The following MAGI2 variants were observed in gnomAD, a reference collection of about 807,000 sequenced individuals.
MAGI2 encodes the protein membrane-associated guanylate kinase, WW and PDZ domain-containing protein 2.
A neutral mutation model predicts 133.3 loss-of-function variants in MAGI2; 35 were observed. The ratio of observed to expected loss-of-function variants is 0.26; its 90% CI spans 0.20 to 0.35. The LOEUF (loss-of-function observed/expected upper bound fraction) is 0.35. Among genes scored for constraint, MAGI2 ranks in the 10% least tolerant of loss-of-function variants. The pLI, the probability that MAGI2 is intolerant of heterozygous loss-of-function variation, is 1.00. For synonymous variants in MAGI2, 729 were observed against 710.6 expected (o/e 1.03, Z -0.41); for missense variants, 1,636 against 1,863.4 (o/e 0.88, Z 2.25).
chr7:78,846,794 C>T (rs999297414), intron 2 of MAGI2, among the ~76,000 whole-genome samples: 4 of 151,964 alleles, frequency 2.6e-5, no homozygotes, highest in Admixed American at 1.3e-4. Context: ...ATATTTATAT[C>T]AGTAATAGTG....
intron 6 of MAGI2, among the ~76,000 whole-genome samples, chr7:78,429,679 T>C (rs987633770): frequency 1.3e-5 from 2 of 152,012 alleles, no homozygotes; most frequent in African/African-American, 4.8e-5. Flanking sequence ...AAAAGAAGGC[T>C]TTTTCTTTTT....
chr7:78,885,339 C>G (rs1023875760), intron 2 of MAGI2, among the ~76,000 whole-genome samples: 3 of 152,086 alleles, frequency 2.0e-5, no homozygotes, highest in African/African-American at 7.2e-5. Flanking sequence ...AAAATCAACA[C>G]GTATGCTAAT....
At chr7:79,288,122 T>C (rs895628593) in intron 1 of MAGI2, among the ~76,000 whole-genome samples, 6 of 152,288 alleles carry the variant, frequency 3.9e-5, no homozygotes, top group South Asian at 2.1e-4. Flanking sequence ...TAACTTGCTA[T>C]GCTCACCACT....
At chr7:78,442,281 G>T (rs1278048492) in intron 6 of MAGI2, among the ~76,000 whole-genome samples, 2 of 152,122 alleles carry the variant, frequency 1.3e-5, no homozygotes, top group Non-Finnish European at 2.9e-5. Context: ...CTATCTGATT[G>T]AAAATCATTT....
chr7:78,860,938 C>T (rs1424864584), intron 2 of MAGI2, among the ~76,000 whole-genome samples: 1 of 152,162 alleles, frequency 6.6e-6, no homozygotes, highest in Non-Finnish European at 1.5e-5. Flanking sequence ...CAAGCCTCAG[C>T]AATGGCGGGC....
intron 3 of MAGI2, among the ~76,000 whole-genome samples, chr7:78,592,144 A>T (rs1263557923): frequency 1.3e-5 from 2 of 152,236 alleles, no homozygotes. Flanking sequence ...GAAAGTTGCA[A>T]AGAAATCTTT....
At chr7:79,198,072 C>T (rs746913206) in intron 1 of MAGI2, among the ~76,000 whole-genome samples, 1 of 151,566 alleles carries the variant, frequency 6.6e-6, no homozygotes, top group South Asian at 2.1e-4. Context: ...TATAGTGAGA[C>T]CCCGATTCTA....
chr7:78,905,397 C>T (rs1372878594), intron 2 of MAGI2, among the ~76,000 whole-genome samples: 6 of 152,322 alleles, frequency 3.9e-5, no homozygotes, highest in African/African-American at 9.6e-5. Context: ...TCTGCTTACA[C>T]CACTTACCTA....
chr7:79,453,031 C>G lies in MAGI2; in HGVS notation c.290G>C (p.Cys97Ser). The G allele has an allele frequency of 6.3e-7, 1 of 1,589,836 alleles. No homozygotes were observed. Reference protein sequence around the residue: ...KHCKDPLRLKCVKQGGIVDKD... With the variant: ...KHCKDPLRLKSVKQGGIVDKD... ...GCCGCTGCTCTCACCTTGCTTGACA[C>G]ACTTGAGCCGGAGGGGGTCCTTGCA... is the stretch of plus-strand genomic sequence containing the variant. The change falls in exon 1 of 22, where the codon TGT becomes TCT. Residue 97 changes from cysteine to serine, a missense_variant. Transcript: ENST00000354212.
intron 1 of MAGI2, among the ~76,000 whole-genome samples, chr7:79,090,684 A>G (rs1280896378): frequency 6.6e-6 from 1 of 152,186 alleles, no homozygotes; most frequent in African/African-American, 2.4e-5. Context: ...GTTAGACAGG[A>G]AATTACAGCT....
intron 21 of MAGI2, among the ~76,000 whole-genome samples, chr7:78,050,594 GC>G (rs1231736339): frequency 1.3e-5 from 2 of 152,216 alleles, no homozygotes; most frequent in Admixed American, 6.5e-5. Flanking sequence ...TAGAGAGAAA[GC>G]AGGGGAATTG....
At chr7:78,145,402 T>A (rs1823199103) in intron 16 of MAGI2, among the ~76,000 whole-genome samples, 1 of 152,314 alleles carries the variant, frequency 6.6e-6, no homozygotes, top group Non-Finnish European at 1.5e-5. Context: ...GAGACTTGTT[T>A]CCTTTAGTTT....
chr7:79,035,000 A>G (rs986571838), intron 1 of MAGI2, among the ~76,000 whole-genome samples: 4 of 152,222 alleles, frequency 2.6e-5, no homozygotes, highest in African/African-American at 9.7e-5. Context: ...AATGATTACC[A>G]CTTGGATACT....
At chr7:78,107,014 T>A (rs1361775091) in intron 20 of MAGI2, among the ~76,000 whole-genome samples, 1 of 152,168 alleles carries the variant, frequency 6.6e-6, no homozygotes, top group Non-Finnish European at 1.5e-5. Flanking sequence ...CTTTAGTCAA[T>A]GTTGATTTGA....
chr7:79,237,652 T>C (rs182024274), intron 1 of MAGI2, among the ~76,000 whole-genome samples: 1 of 152,228 alleles, frequency 6.6e-6, no homozygotes. Context: ...CAGTTGGAGT[T>C]CTCTACCTAT....
chr7:78,660,464 A>G (rs887179228), intron 2 of MAGI2, among the ~76,000 whole-genome samples: 1 of 152,190 alleles, frequency 6.6e-6, no homozygotes, highest in Non-Finnish European at 1.5e-5. Context: ...TTAAGAGGAA[A>G]ATGCCTAATA....
intron 6 of MAGI2, among the ~76,000 whole-genome samples, chr7:78,404,035 A>G (rs1797146629): frequency 6.6e-6 from 1 of 152,186 alleles, no homozygotes; most frequent in Non-Finnish European, 1.5e-5. Flanking sequence ...ACAAACAGAG[A>G]GCCAAATCAT....
At chr7:78,632,345 A>G (rs576726504) in intron 2 of MAGI2, among the ~76,000 whole-genome samples, 29 of 152,336 alleles carry the variant, frequency 1.9e-4, no homozygotes, top group Non-Finnish European at 3.5e-4. Context: ...AAATACTGAG[A>G]TTTCTGTTAG....
chr7:78,611,208 G>T (rs1266927516), intron 3 of MAGI2, among the ~76,000 whole-genome samples: 1 of 152,152 alleles, frequency 6.6e-6, no homozygotes, highest in African/African-American at 2.4e-5. Context: ...CTTAGTCTGT[G>T]CTTGGCAACT....
Sources: allele counts gnomAD v4.1 joint callset (sites outside exome capture counted in the v4.1 genomes callset), GRCh38; gene constraint gnomAD v4.1.1; transcripts MANE v1.5; gene names NCBI Gene and HGNC (gene_info 2026-07-23, HGNC 2026-07-21).